GNG7: variants seen among roughly 807,000 people sequenced by gnomAD.
The protein encoded by GNG7 is G protein subunit gamma 7.
GNG7 carries 1 observed loss-of-function variant against 4.0 expected under a neutral mutation model. The ratio of observed to expected loss-of-function variants is 0.25; its 90% CI spans 0.09 to 1.18. The LOEUF (loss-of-function observed/expected upper bound fraction) is 1.18. Among genes scored for constraint, GNG7 ranks in the 50% most tolerant of loss-of-function variants. The pLI, the probability that GNG7 is intolerant of heterozygous loss-of-function variation, is 0.50. For missense variants in GNG7, 86 were observed against 91.9 expected (o/e 0.94, Z 0.26); for synonymous variants, 34 against 36.9 (o/e 0.92, Z 0.29).
At chr19:2,636,890 C>G (rs1462573214) in intron 2 of GNG7, among the ~76,000 whole-genome samples, 6 of 151,938 alleles carry the variant, frequency 3.9e-5, no homozygotes, top group East Asian at 1.9e-4. Flanking sequence ...CCATCCCCAC[C>G]TGCACCCACC....
intron 3 of GNG7, among the ~76,000 whole-genome samples, chr19:2,523,705 G>A (rs1354721909): frequency 2.6e-5 from 4 of 152,096 alleles, no homozygotes; most frequent in East Asian, 1.9e-4. Context: ...GTCTGGCTGC[G>A]ATCCTGCCCA....
At chr19:2,567,328 G>A (rs1235895911) in intron 2 of GNG7, among the ~76,000 whole-genome samples, 1 of 16,282 alleles carries the variant, frequency 6.1e-5, no homozygotes, top group East Asian at 1.1e-3. Context: ...AGTTGTCGTC[G>A]ATTTGTGTGT....
intron 2 of GNG7, among the ~76,000 whole-genome samples, chr19:2,605,720 G>A (rs756650432): frequency 1.3e-5 from 2 of 150,154 alleles, no homozygotes; most frequent in Non-Finnish European, 1.5e-5. Flanking sequence ...CACCATGTTG[G>A]CCAGCATGGT....
At chr19:2,572,016 T>C (rs77062080) in intron 2 of GNG7, among the ~76,000 whole-genome samples, 1 of 151,958 alleles carries the variant, frequency 6.6e-6, no homozygotes, top group Non-Finnish European at 1.5e-5. Flanking sequence ...GTTTTTGTTG[T>C]TTTGTTTTGT....
chr19:2,513,370 CG>C lies in GNG7; in HGVS notation c.*1651del. On this transcript the variant is annotated 3_prime_UTR_variant, in exon 5 of 5. Coordinates refer to ENST00000382159, the MANE Select transcript of GNG7 (RefSeq NM_052847.3). ...TCTAGGCCAGCCCCGTGGAGGGGGT[CG>C]GGGCGGCCAGGCCTCCTGCGATCAG... is the stretch of plus-strand genomic sequence containing the variant. 2.2e-6 allele frequency: 1 copy of C among 462,726 alleles called. No homozygotes were observed. Among genetic ancestry groups the C allele is most frequent in the Non-Finnish European group, 2.8e-6 (1 of 352,496 alleles). 28.7% of individuals were successfully genotyped at this position (462,726 alleles called of 1,614,324 possible).
At chr19:2,544,680 C>T (rs879605867) in intron 3 of GNG7, among the ~76,000 whole-genome samples, 5 of 152,174 alleles carry the variant, frequency 3.3e-5, no homozygotes, top group Admixed American at 6.5e-5. Context: ...CATGAGCCAC[C>T]GTGCTGGGCC....
intron 3 of GNG7, among the ~76,000 whole-genome samples, chr19:2,520,981 C>T (rs1475380144): frequency 6.6e-6 from 1 of 151,860 alleles, no homozygotes; most frequent in East Asian, 1.9e-4. Context: ...GCAGGCTGGG[C>T]GTGGTGGCTC....
In GNG7 at chr19:2,633,081, C is replaced by T. The variant is rs946843921; in HGVS notation, c.-78+13143G>A. On this transcript the variant is annotated intron_variant, in intron 2 of 4. Transcript: ENST00000382159. This position sits in a 1 kb window ranked among gnomAD's most constrained non-coding sequence, Gnocchi z 5.9. ...TATGACACGCATCCCCAGGCGGCACCGGGAGTGTCTGCGCAGAGATCCGAG... is the reference window on the plus strand; with the variant it reads ...TATGACACGCATCCCCAGGCGGCACTGGGAGTGTCTGCGCAGAGATCCGAG... 1.3e-5 allele frequency among the ~76,000 whole-genome samples: 2 copies of T among 152,222 alleles called. No individual in the cohort carries two copies. Among genetic ancestry groups the T allele is most frequent in the African/African-American group, 4.8e-5 (2 of 41,452 alleles).
chr19:2,689,762 C>T (rs1329583818), intron 1 of GNG7, among the ~76,000 whole-genome samples: 1 of 151,878 alleles, frequency 6.6e-6, no homozygotes, highest in African/African-American at 2.4e-5. Flanking sequence ...CCCAGCATGA[C>T]CACTAACTCG....
At chr19:2,515,483 AG>A (rs1374879839) in intron 4 of GNG7, among the ~76,000 whole-genome samples, 1 of 151,434 alleles carries the variant, frequency 6.6e-6, no homozygotes, top group Non-Finnish European at 1.5e-5. Context: ...GCTCTAGTGC[AG>A]TGGCACGATC....
At position 2,512,061 on chromosome 19, in the gene GNG7, C is replaced by T. The variant is rs879794725; in HGVS notation, c.*2961G>A. 1.0e-6 allele frequency: 1 copy of T among 985,794 alleles called. No individual in the cohort carries two copies. The highest frequency in any genetic ancestry group is 1.7e-5 in the African/African-American group (1 of 57,228). The allele number at this position is 985,794 out of a possible 1,614,324, so 61.1% of individuals were successfully genotyped here. The stretch of plus-strand genomic sequence containing the variant: ...CAGAAGGAGAAACGGCCTTCTCTCT[C>T]CCACCCGACGCTGCCTTGTGTGTGT... On this transcript the variant is annotated 3_prime_UTR_variant, in exon 5 of 5. Transcript: ENST00000382159. The surrounding 1 kb of genome is among the most constrained non-coding windows in gnomAD (Gnocchi z 4.7).
intron 2 of GNG7, among the ~76,000 whole-genome samples, chr19:2,624,541 A>AG (rs1051259623): frequency 2.6e-5 from 4 of 151,628 alleles, no homozygotes; most frequent in African/African-American, 9.7e-5. Context: ...AAAAAAAAAA[A>AG]AAAAAGAAAA....
intron 1 of GNG7, among the ~76,000 whole-genome samples, chr19:2,659,190 C>T (rs1041370567): frequency 5.3e-5 from 8 of 151,964 alleles, no homozygotes; most frequent in Admixed American, 1.3e-4. Context: ...AGGATGGTCT[C>T]AATCTCCTGA....
intron 2 of GNG7, among the ~76,000 whole-genome samples, chr19:2,582,265 C>T (rs1980524276): frequency 6.6e-6 from 1 of 151,988 alleles, no homozygotes; most frequent in South Asian, 2.1e-4. Flanking sequence ...AGATATCAGC[C>T]AATGGGAAGC....
intron 2 of GNG7, among the ~76,000 whole-genome samples, chr19:2,565,367 C>G (rs1303309450): frequency 6.6e-6 from 1 of 152,058 alleles, no homozygotes; most frequent in East Asian, 1.9e-4. Flanking sequence ...CAAAAATTAG[C>G]TGGACGTGGT....
Position 2,618,282 on chromosome 19 carries a change from C to T in GNG7, c.-78+27942G>A, listed in dbSNP as rs1014135022. On this transcript the variant is annotated intron_variant, in intron 2 of 4. Coordinates refer to ENST00000382159, the MANE Select transcript of GNG7 (RefSeq NM_052847.3). The surrounding 1 kb of genome is among the most constrained non-coding windows in gnomAD (Gnocchi z 5.1). Reference sequence around the variant, plus strand: ...GGCACTGAGGACACAGATTACTCCTCACCCATGCCCCTTGCAAAGCTCTCA... The same window carrying T: ...GGCACTGAGGACACAGATTACTCCTTACCCATGCCCCTTGCAAAGCTCTCA... 1.3e-5 allele frequency among the ~76,000 whole-genome samples: 2 copies of T among 152,170 alleles called. No individual in the cohort carries two copies. Among genetic ancestry groups the T allele is most frequent in the Non-Finnish European group, 2.9e-5 (2 of 68,034 alleles).
intron 1 of GNG7, among the ~76,000 whole-genome samples, chr19:2,693,162 A>G (rs1913172482): frequency 6.6e-6 from 1 of 150,936 alleles, no homozygotes; most frequent in Admixed American, 6.6e-5. Context: ...ATGTGCCTGT[A>G]GTCCCAGCTA....
chr19:2,558,728 C>G (rs1484691784), intron 2 of GNG7, among the ~76,000 whole-genome samples: 1 of 150,718 alleles, frequency 6.6e-6, no homozygotes, highest in Non-Finnish European at 1.5e-5. Flanking sequence ...CTTTCTTTCT[C>G]TTTTCTTTCT....
In GNG7 at chr19:2,617,356, G is replaced by A. The variant is rs956044709; in HGVS notation, c.-78+28868C>T. ...ACCAGCCATCCAGGCACTGAGCCCG[G>A]CCCAGCCCTGCAGCTCTGACCCTGC... On this transcript the variant is annotated intron_variant, in intron 2 of 4. Transcript: ENST00000382159. This position sits in a 1 kb window ranked among gnomAD's most constrained non-coding sequence, Gnocchi z 4.7. Among the ~76,000 whole-genome samples the A allele has an allele frequency of 6.6e-6, 1 of 152,208 alleles. No individual in the cohort carries two copies. The highest frequency in any genetic ancestry group is 2.4e-5 in the African/African-American group (1 of 41,446).
Sources: gnomAD v4.1 joint callset for allele counts (sites outside exome capture counted in the v4.1 genomes callset) on GRCh38, gnomAD v4.1.1 for gene constraint, Gnocchi (gnomAD v3.1) non-coding constraint, MANE v1.5 for transcripts, NCBI Gene and HGNC (gene_info 2026-07-23, HGNC 2026-07-21) for gene names.